Variants in LRMDA observed in about 807,000 individuals in gnomAD.
LRMDA encodes leucine rich melanocyte differentiation associated.
LRMDA carries 18 observed loss-of-function variants against 29.8 expected under a neutral mutation model. That is an observed-to-expected ratio of 0.60 (90% CI 0.42 to 0.90). The LOEUF is 0.90. Among genes scored for constraint, LRMDA ranks in the 40% least tolerant of loss-of-function variants. LRMDA has a pLI of 0.00. For synonymous variants in LRMDA, 125 were observed against 109.4 expected (o/e 1.14, Z -0.89); for missense variants, 273 against 273.9 (o/e 1.00, Z 0.02).
chr10:75,556,007 G>C (rs1840209086), intron 2 of LRMDA, among the ~76,000 whole-genome samples: 2 of 152,112 alleles, frequency 1.3e-5, no homozygotes, highest in African/African-American at 2.4e-5. Flanking sequence ...ACATTATTCA[G>C]TCTTGAAAAA....
intron 2 of LRMDA, among the ~76,000 whole-genome samples, chr10:75,496,019 G>A (rs779698741): frequency 2.6e-5 from 4 of 152,224 alleles, no homozygotes; most frequent in South Asian, 2.1e-4. Context: ...GAATTGGGAC[G>A]TGTAATCTGA....
intron 2 of LRMDA, among the ~76,000 whole-genome samples, chr10:75,916,120 C>T (rs1294146825): frequency 1.3e-5 from 2 of 151,708 alleles, no homozygotes; most frequent in African/African-American, 2.4e-5. Flanking sequence ...TCTTGGCTTT[C>T]AGCTCTGGGG....
In LRMDA at chr10:75,528,634, C is replaced by T. The variant is rs1249644264; in HGVS notation, c.131+90140C>T. Among the ~76,000 whole-genome samples the T allele has an allele frequency of 2.0e-5, 3 of 152,262 alleles. No homozygotes were observed. The East Asian group carries it at 5.8e-4, about 29-fold the overall frequency. On this transcript the variant is annotated intron_variant, in intron 2 of 6. Transcript: ENST00000611255. Reference sequence around the variant, plus strand: ...ATTGTGAAACTCCAGATGACAAGCCCTTTCCATTCCAGCCAAGAATAGAGA... The same window carrying T: ...ATTGTGAAACTCCAGATGACAAGCCTTTTCCATTCCAGCCAAGAATAGAGA...
intron 5 of LRMDA, among the ~76,000 whole-genome samples, chr10:76,072,220 G>A (rs16932843): frequency 0.023 from 3,425 of 152,152 alleles, 49 homozygotes; most frequent in Middle Eastern, 0.054. Context: ...TGAGTATATC[G>A]AAGATGCAGG....
intron 2 of LRMDA, among the ~76,000 whole-genome samples, chr10:75,929,295 A>ATGTGTGTGTGTGTGTGTGTG (rs151109175): frequency 6.6e-6 from 1 of 151,004 alleles, no homozygotes; most frequent in South Asian, 2.1e-4. Flanking sequence ...TGCATGATCT[A>ATGTGTGTGTGTGTGTGTGTG]TGTGTGTGTG....
chr10:76,067,841 G>C (rs1041970225), intron 5 of LRMDA, among the ~76,000 whole-genome samples: 4 of 152,148 alleles, frequency 2.6e-5, no homozygotes, highest in Non-Finnish European at 5.9e-5. Flanking sequence ...ATTAGACCAG[G>C]GCCTTGCTGT....
chr10:76,356,174 A>C (rs1841237236), intron 6 of LRMDA, among the ~76,000 whole-genome samples: 1 of 152,238 alleles, frequency 6.6e-6, no homozygotes, highest in Non-Finnish European at 1.5e-5. Context: ...GAAAGAAAAC[A>C]ATGTCAGGAT....
intron 2 of LRMDA, among the ~76,000 whole-genome samples, chr10:75,861,132 A>G (rs1844922232): frequency 3.9e-5 from 6 of 152,236 alleles, no homozygotes; most frequent in Admixed American, 3.9e-4. Flanking sequence ...TGTTCCAATC[A>G]TCAAATGGGA....
At chr10:76,448,995 T>C (rs1055714525) in intron 6 of LRMDA, among the ~76,000 whole-genome samples, 1 of 151,964 alleles carries the variant, frequency 6.6e-6, no homozygotes, top group Non-Finnish European at 1.5e-5. Context: ...TATTTCATCT[T>C]TTAACTTAGA....
At chr10:75,911,957 A>G (rs1006284992) in intron 2 of LRMDA, among the ~76,000 whole-genome samples, 1 of 152,170 alleles carries the variant, frequency 6.6e-6, no homozygotes, top group Non-Finnish European at 1.5e-5. Context: ...GCTTTGCCTT[A>G]GAGTTTTCTC....
intron 5 of LRMDA, among the ~76,000 whole-genome samples, chr10:76,305,533 C>T (rs1840543580): frequency 6.6e-6 from 1 of 152,158 alleles, no homozygotes; most frequent in Admixed American, 6.5e-5. Context: ...GACTGAGTCC[C>T]TCTAGACCAC....
chr10:76,472,805 C>A (rs1178388077), intron 6 of LRMDA, among the ~76,000 whole-genome samples: 2 of 151,316 alleles, frequency 1.3e-5, no homozygotes, highest in Non-Finnish European at 3.0e-5. Flanking sequence ...TTTCTAAAGA[C>A]AGACTCAAGA....
intron 5 of LRMDA, among the ~76,000 whole-genome samples, chr10:76,185,998 A>G (rs951056549): frequency 1.3e-5 from 2 of 152,172 alleles, no homozygotes; most frequent in East Asian, 1.9e-4. Context: ...TCCAATGTGC[A>G]TCTGTTAAAA....
intron 2 of LRMDA, among the ~76,000 whole-genome samples, chr10:75,658,904 T>C (rs1307365858): frequency 6.6e-6 from 1 of 152,196 alleles, no homozygotes. Context: ...CCACTGCCCC[T>C]GTCCTTCCCA....
chr10:76,238,347 T>C (rs1252257294), intron 5 of LRMDA, among the ~76,000 whole-genome samples: 1 of 152,152 alleles, frequency 6.6e-6, no homozygotes, highest in African/African-American at 2.4e-5. Flanking sequence ...AAAAGACTTT[T>C]AGCAAGATGG....
chr10:75,571,663 A>G (rs987584920), intron 2 of LRMDA, among the ~76,000 whole-genome samples: 1 of 152,208 alleles, frequency 6.6e-6, no homozygotes, highest in Non-Finnish European at 1.5e-5. Context: ...AGGGAAAGGT[A>G]CCTTGGCTTT....
At chr10:76,434,999 G>T (rs888683827) in intron 6 of LRMDA, among the ~76,000 whole-genome samples, 7 of 152,274 alleles carry the variant, frequency 4.6e-5, no homozygotes, top group Admixed American at 4.6e-4. Context: ...AGTTTCTCAT[G>T]AAACACAGCC....
chr10:76,291,292 T>A (rs1424256955), intron 5 of LRMDA, among the ~76,000 whole-genome samples: 1 of 152,044 alleles, frequency 6.6e-6, no homozygotes, highest in Non-Finnish European at 1.5e-5. Flanking sequence ...ATAATCAGAG[T>A]CACAATCATC....
intron 5 of LRMDA, among the ~76,000 whole-genome samples, chr10:76,214,200 A>G (rs1313428217): frequency 6.6e-6 from 1 of 152,174 alleles, no homozygotes; most frequent in East Asian, 1.9e-4. Flanking sequence ...CAGTCCCAGA[A>G]GTCACATAAC....
Sources: allele counts gnomAD v4.1 joint callset (sites outside exome capture counted in the v4.1 genomes callset), GRCh38; gene constraint gnomAD v4.1.1; transcripts MANE v1.5; gene names NCBI Gene and HGNC (gene_info 2026-07-23, HGNC 2026-07-21).